The following DIP2C variants were observed in gnomAD, a reference collection of about 807,000 sequenced individuals.
DIP2C encodes DIP2 acetate--CoA ligase C (putative), also known as disco-interacting protein 2 homolog C.
Under a neutral mutation model 192.4 loss-of-function variants are expected in DIP2C, and 33 were observed. That is an observed-to-expected ratio of 0.17 (90% CI 0.13 to 0.23). The LOEUF (loss-of-function observed/expected upper bound fraction) is 0.23, where lower values mean the gene tolerates loss of function less well. Among genes scored for constraint, DIP2C ranks in the 10% least tolerant of loss-of-function variants. DIP2C has a pLI of 1.00. For synonymous variants in DIP2C, 979 were observed against 864.1 expected, an observed-to-expected ratio of 1.13 and a Z score of -2.33; for missense variants, 1,537 against 2,110.1, an observed-to-expected ratio of 0.73 and a Z score of 5.32.
At chr10:529,066 C>T (rs769324906) in intron 1 of DIP2C, among the ~76,000 whole-genome samples, 27 of 152,232 alleles carry the variant, frequency 1.8e-4, no homozygotes, top group Non-Finnish European at 3.5e-4. Context: ...TCCCTAGAAC[C>T]TGCCCAAGTC....
chr10:646,186 T>C (rs965666841), intron 1 of DIP2C, among the ~76,000 whole-genome samples: 1 of 152,140 alleles, frequency 6.6e-6, no homozygotes, highest in Non-Finnish European at 1.5e-5. Flanking sequence ...CCAGCAGGAA[T>C]GTGGTGCAGA....
At chr10:576,099 T>G (rs576066201) in intron 1 of DIP2C, among the ~76,000 whole-genome samples, 1 of 152,348 alleles carries the variant, frequency 6.6e-6, no homozygotes, top group East Asian at 1.9e-4. Context: ...CACACGCTCC[T>G]GTACGGGTTT....
intron 9 of DIP2C, among the ~76,000 whole-genome samples, chr10:405,879 G>A (rs1285274889): frequency 1.3e-5 from 2 of 152,220 alleles, no homozygotes; most frequent in South Asian, 2.1e-4. Context: ...CACCTTCCAC[G>A]CTACTTCCTG....
intron 1 of DIP2C, among the ~76,000 whole-genome samples, chr10:593,734 G>A (rs745320395): frequency 9.2e-5 from 14 of 152,132 alleles, no homozygotes; most frequent in Non-Finnish European, 1.3e-4. Flanking sequence ...AAATAAAACC[G>A]ACATGCACTG....
intron 3 of DIP2C, among the ~76,000 whole-genome samples, chr10:469,853 C>G (rs1296691177): frequency 1.3e-5 from 2 of 152,200 alleles, no homozygotes; most frequent in African/African-American, 4.8e-5. Context: ...AACTTCTTGC[C>G]GTTCCCCAAA....
intron 4 of DIP2C, among the ~76,000 whole-genome samples, chr10:433,522 GA>G (rs1017434601): frequency 8.1e-5 from 12 of 148,620 alleles, no homozygotes; most frequent in Middle Eastern, 6.9e-3. Flanking sequence ...ACAAAAATAG[GA>G]AAAAAAAAAT....
At chr10:489,277 GAGCAA>G (rs1238906560) in intron 1 of DIP2C, among the ~76,000 whole-genome samples, 4 of 152,330 alleles carry the variant, frequency 2.6e-5, no homozygotes, top group African/African-American at 9.6e-5. Context: ...AGGTTTACAT[GAGCAA>G]ACCTTCTAGC....
intron 18 of DIP2C, among the ~76,000 whole-genome samples, chr10:366,619 A>G (rs530251688): frequency 6.6e-6 from 1 of 152,326 alleles, no homozygotes; most frequent in East Asian, 1.9e-4. Context: ...TTCATAGTTG[A>G]AACATCAATA....
intron 2 of DIP2C, among the ~76,000 whole-genome samples, chr10:478,457 C>CAT (rs1843337886): frequency 6.7e-6 from 1 of 149,988 alleles, no homozygotes; most frequent in African/African-American, 2.5e-5. Context: ...TTTTCTCACT[C>CAT]ATCTCATGTC....
intron 3 of DIP2C, among the ~76,000 whole-genome samples, chr10:449,235 G>A (rs117754035): frequency 0.025 from 3,834 of 152,234 alleles, 90 homozygotes; most frequent in East Asian, 0.079. Context: ...GATACTCAGC[G>A]GCATCCTTTA....
chr10:406,976 T>A (rs181594083), intron 9 of DIP2C, among the ~76,000 whole-genome samples: 16 of 151,902 alleles, frequency 1.1e-4, no homozygotes, highest in Admixed American at 1.0e-3. Context: ...TACGATCCCA[T>A]CTCCAACCTG....
At chr10:501,329 TTA>T in intron 1 of DIP2C, among the ~76,000 whole-genome samples, 1 of 67,870 alleles carries the variant, frequency 1.5e-5, no homozygotes, top group South Asian at 4.2e-4. Flanking sequence ...AGAATATACT[TTA>T]TTTAGAAGGC....
In DIP2C at chr10:678,888, C is replaced by G. The variant is rs923192560; in HGVS notation, c.85+10606G>C. ...CCACGCCCATGCTCCCCGCACCCAT[C>G]CTCCCCCCACCCATGCTCCCCGCGC... On this transcript the variant is annotated intron_variant, in intron 1 of 36. Transcript: ENST00000280886. 4.7e-3 allele frequency among the ~76,000 whole-genome samples: 14 copies of G among 3,006 alleles called. 2 individuals carry two copies. The highest frequency in any genetic ancestry group is 0.024 in the Non-Finnish European group (7 of 290). 2.0% of individuals were successfully genotyped at this position (3,006 alleles called of 152,430 possible).
chr10:594,122 G>A (rs775488582), intron 1 of DIP2C, among the ~76,000 whole-genome samples: 10 of 152,202 alleles, frequency 6.6e-5, no homozygotes, highest in South Asian at 2.1e-4. Context: ...AGGGGCCGAC[G>A]GTGCTGAGTC....
intron 1 of DIP2C, among the ~76,000 whole-genome samples, chr10:519,599 A>C (rs1422703412): frequency 2.6e-5 from 4 of 152,186 alleles, no homozygotes; most frequent in Non-Finnish European, 4.4e-5. Flanking sequence ...GCCGTTTCAG[A>C]TGCACAGTGG....
intron 1 of DIP2C, among the ~76,000 whole-genome samples, chr10:531,023 T>C (rs901092225): frequency 1.3e-5 from 2 of 151,934 alleles, no homozygotes; most frequent in Admixed American, 6.6e-5. Context: ...TGAGCATCCT[T>C]TCCCGCCAAA....
chr10:451,005 T>G (rs1968801072), intron 3 of DIP2C, among the ~76,000 whole-genome samples: 1 of 152,170 alleles, frequency 6.6e-6, no homozygotes, highest in African/African-American at 2.4e-5. Flanking sequence ...CGGCATCGTC[T>G]AAATTCAGCC....
intron 3 of DIP2C, among the ~76,000 whole-genome samples, chr10:456,624 A>G (rs1473488902): frequency 6.6e-6 from 1 of 152,240 alleles, no homozygotes; most frequent in Non-Finnish European, 1.5e-5. Flanking sequence ...GCCTGGGAGA[A>G]GCCAAAACTG....
chr10:396,826 TGGGGG>T (rs57932225), intron 10 of DIP2C, among the ~76,000 whole-genome samples: 1 of 41,208 alleles, frequency 2.4e-5, no homozygotes, highest in Non-Finnish European at 6.6e-5. Context: ...GCAAATCCGG[TGGGGG>T]GGGGGGAAAC....
Sources: allele counts gnomAD v4.1 joint callset (sites outside exome capture counted in the v4.1 genomes callset), GRCh38; gene constraint gnomAD v4.1.1; transcripts MANE v1.5; gene names NCBI Gene and HGNC (gene_info 2026-07-23, HGNC 2026-07-21).